CTNNBL1: variants seen among roughly 807,000 people sequenced by gnomAD.
CTNNBL1 encodes catenin beta like 1.
In CTNNBL1, 31 loss-of-function variants were observed where a neutral mutation model predicts 72.7. The observed-to-expected ratio is 0.43, with a 90% CI of 0.32 to 0.58. The LOEUF is 0.58. Among genes scored for constraint, CTNNBL1 ranks in the 20% least tolerant of loss-of-function variants. The probability of loss-of-function intolerance (pLI) is 0.08; values close to 1 mark genes in which losing one functional copy is unlikely to be tolerated. For missense variants in CTNNBL1, 534 were observed against 725.1 expected (o/e 0.74, Z 3.03); for synonymous variants, 240 against 267.3 (o/e 0.90, Z 1.00).
At chr20:37,767,629 T>C (rs903953952) in intron 6 of CTNNBL1, among the ~76,000 whole-genome samples, 3 of 152,214 alleles carry the variant, frequency 2.0e-5, no homozygotes, top group African/African-American at 7.2e-5. Flanking sequence ...CTGGGACTCA[T>C]TAGGGACTGG....
intron 7 of CTNNBL1, among the ~76,000 whole-genome samples, chr20:37,775,140 G>A (rs1158122790): frequency 6.6e-6 from 1 of 152,014 alleles, no homozygotes; most frequent in Non-Finnish European, 1.5e-5. Context: ...ATATATTTAT[G>A]TCCTTACAAT....
At chr20:37,694,597 G>T (rs2072774142) in intron 1 of CTNNBL1, among the ~76,000 whole-genome samples, 1 of 152,120 alleles carries the variant, frequency 6.6e-6, no homozygotes, top group African/African-American at 2.4e-5. Context: ...CCAAGTTTTT[G>T]TATCTATATA....
chr20:37,803,080 A>G (rs1417502028), intron 11 of CTNNBL1, 32 bp downstream of exon 11: 13 of 1,589,604 alleles, frequency 8.2e-6, no homozygotes, highest in Non-Finnish European at 1.1e-5. Flanking sequence ...AGCCTAATTT[A>G]GGTGCATTAG....
chr20:37,859,925 C>T lies in CTNNBL1; in HGVS notation c.1419C>T (p.Ile473=), dbSNP rs1288226745. 4.3e-6 allele frequency: 7 copies of T among 1,613,990 alleles called. No homozygotes were observed. Among genetic ancestry groups the T allele is most frequent in the Admixed American group, 3.3e-5 (2 of 59,994 alleles). ...ACATGGTCCGGCGAGGAGAGATCAT[C>T]GACAATGACACCGAGGAGGAGTTCT... is the stretch of plus-strand genomic sequence containing the variant. ...KHDMVRRGEI[I]DNDTEEEFYL... is the part of the protein sequence containing the mutation. The change falls in exon 14 of 16, where the codon ATC becomes ATT. Residue 473 remains isoleucine, a synonymous_variant. Transcript: ENST00000361383.
At chr20:37,730,328 T>C (rs966802124) in intron 1 of CTNNBL1, among the ~76,000 whole-genome samples, 13 of 152,220 alleles carry the variant, frequency 8.5e-5, no homozygotes, top group African/African-American at 3.1e-4. Context: ...AGAAATCTCA[T>C]TGAAGAATCT....
intron 3 of CTNNBL1, among the ~76,000 whole-genome samples, chr20:37,739,133 G>A (rs2073193681): frequency 6.6e-6 from 1 of 151,436 alleles, no homozygotes. Flanking sequence ...CACAAGTAAT[G>A]CATGAATAGA....
chr20:37,697,897 A>G (rs983372260), intron 1 of CTNNBL1, among the ~76,000 whole-genome samples: 4 of 152,244 alleles, frequency 2.6e-5, no homozygotes, highest in African/African-American at 9.6e-5. Context: ...ATTCCAATCT[A>G]GGTAGCTTTG....
chr20:37,767,945 C>T lies in CTNNBL1; in HGVS notation c.659-8C>T. 1 of 1,612,884 alleles carries T rather than the reference C, an allele frequency of 6.2e-7. No individual in the cohort carries two copies. Among genetic ancestry groups the T allele is most frequent in the Non-Finnish European group, 8.5e-7 (1 of 1,178,956 alleles). ...CCTCCCAAATGACTGGTGTCTGTCT[C>T]CCTTCAGCTATTGTGGAAAACATGG... On this transcript the variant is annotated splice_polypyrimidine_tract_variant and splice_region_variant and intron_variant, in intron 6 of 15. Transcript: ENST00000361383.
At chr20:37,747,627 G>A (rs980857887) in intron 4 of CTNNBL1, among the ~76,000 whole-genome samples, 14 of 152,124 alleles carry the variant, frequency 9.2e-5, no homozygotes, top group Admixed American at 3.3e-4. Flanking sequence ...CACCCTGACT[G>A]AAGTGCAGTG....
intron 7 of CTNNBL1, among the ~76,000 whole-genome samples, chr20:37,768,555 C>T (rs1437697436): frequency 6.6e-6 from 1 of 152,196 alleles, no homozygotes; most frequent in Non-Finnish European, 1.5e-5. Flanking sequence ...AACAGTGCGG[C>T]TGTGAATACA....
chr20:37,870,157 T>A (rs1315131062), intron 15 of CTNNBL1, among the ~76,000 whole-genome samples: 1 of 151,994 alleles, frequency 6.6e-6, no homozygotes, highest in Non-Finnish European at 1.5e-5. Context: ...TCTGATGGCA[T>A]CCTCTGCTGA....
intron 1 of CTNNBL1, among the ~76,000 whole-genome samples, chr20:37,696,238 T>G (rs2072790291): frequency 6.6e-6 from 1 of 152,132 alleles, no homozygotes; most frequent in African/African-American, 2.4e-5. Context: ...AAGTAAACAA[T>G]GCATTCAGTT....
At chr20:37,865,035 CAGA>C (rs2072525817) in intron 15 of CTNNBL1, among the ~76,000 whole-genome samples, 1 of 152,138 alleles carries the variant, frequency 6.6e-6, no homozygotes, top group South Asian at 2.1e-4. Context: ...GATCCAGACT[CAGA>C]AGGAGCTATG....
intron 13 of CTNNBL1, among the ~76,000 whole-genome samples, chr20:37,846,724 C>T (rs1293901472): frequency 6.6e-6 from 1 of 152,138 alleles, no homozygotes; most frequent in Non-Finnish European, 1.5e-5. Flanking sequence ...ACCTCTTCTC[C>T]TGCCACTAGG....
chr20:37,694,041 C>A lies in CTNNBL1; in HGVS notation c.-82C>A. ...CGGCTCCGCTCGCCGCACTTTACGG[C>A]AGTGTGGCTGGAGCCGCGGCTGACG... On this transcript the variant is annotated 5_prime_UTR_variant, in exon 1 of 16. Transcript: ENST00000361383. 6.8e-7 allele frequency: 1 copy of A among 1,480,706 alleles called. No individual in the cohort carries two copies. Among genetic ancestry groups the A allele is most frequent in the Non-Finnish European group, 9.3e-7 (1 of 1,076,338 alleles). 91.7% of individuals were successfully genotyped at this position (1,480,706 alleles called of 1,614,324 possible).
intron 5 of CTNNBL1, among the ~76,000 whole-genome samples, chr20:37,764,097 CT>C (rs1481092696): frequency 1.3e-5 from 2 of 152,086 alleles, no homozygotes; most frequent in African/African-American, 2.4e-5. Context: ...CTGCTTGATT[CT>C]TTGAGGAGCT....
chr20:37,730,448 C>T (rs550803232), intron 1 of CTNNBL1, among the ~76,000 whole-genome samples: 7 of 152,194 alleles, frequency 4.6e-5, no homozygotes, highest in Admixed American at 6.5e-5. Flanking sequence ...ACTTGAAGTT[C>T]ACAGAGAAAA....
chr20:37,837,371 A>G (rs540723615), intron 11 of CTNNBL1, among the ~76,000 whole-genome samples: 1 of 152,270 alleles, frequency 6.6e-6, no homozygotes, highest in East Asian at 1.9e-4. Flanking sequence ...CCAGCTTTAC[A>G]TAAAAGTTGA....
At chr20:37,740,296 C>A (rs952217741) in intron 3 of CTNNBL1, among the ~76,000 whole-genome samples, 1 of 152,084 alleles carries the variant, frequency 6.6e-6, no homozygotes, top group African/African-American at 2.4e-5. Context: ...TTCTCTAGAT[C>A]AGCGAGGTGA....
Sources: gnomAD v4.1 joint callset for allele counts (sites outside exome capture counted in the v4.1 genomes callset) on GRCh38, gnomAD v4.1.1 for gene constraint, MANE v1.5 for transcripts, NCBI Gene and HGNC (gene_info 2026-07-23, HGNC 2026-07-21) for gene names.